CCDC149: variants seen among roughly 807,000 people sequenced by gnomAD.
The protein encoded by CCDC149 is coiled-coil domain-containing protein 149.
A neutral mutation model predicts 59.9 loss-of-function variants in CCDC149; 45 were observed. The observed-to-expected ratio is 0.75, with a 90% CI of 0.59 to 0.96. The LOEUF (loss-of-function observed/expected upper bound fraction) is 0.96. Ranked by LOEUF, CCDC149 falls within the 40% of genes least tolerant of loss-of-function variation. The pLI is 0.00. For synonymous variants in CCDC149, 245 were observed against 260.6 expected, an observed-to-expected ratio of 0.94 and a Z score of 0.58; for missense variants, 584 against 664.7, an observed-to-expected ratio of 0.88 and a Z score of 1.33.
intron 1 of CCDC149, among the ~76,000 whole-genome samples, chr4:24,932,988 G>T (rs994100902): frequency 6.6e-6 from 1 of 152,178 alleles, no homozygotes; most frequent in Non-Finnish European, 1.5e-5. Flanking sequence ...CTATTTCAGA[G>T]AAAGGCATTC....
At chr4:24,904,911 GTTTGT>G (rs1457767034) in intron 1 of CCDC149, among the ~76,000 whole-genome samples, 3 of 152,046 alleles carry the variant, frequency 2.0e-5, no homozygotes, top group African/African-American at 7.2e-5. Context: ...TCATTTGTTT[GTTTGT>G]TTTGAGATGG....
chr4:24,911,782 T>G (rs1326995876), intron 1 of CCDC149, among the ~76,000 whole-genome samples: 1 of 152,194 alleles, frequency 6.6e-6, no homozygotes, highest in Admixed American at 6.5e-5. Context: ...CAGACTGACC[T>G]GGAGACCCAG....
chr4:24,819,364 C>T (rs938749989), intron 12 of CCDC149, among the ~76,000 whole-genome samples: 1 of 152,290 alleles, frequency 6.6e-6, no homozygotes, highest in African/African-American at 2.4e-5. Context: ...CTGTATTCCC[C>T]AGGCTGGAGT....
intron 1 of CCDC149, among the ~76,000 whole-genome samples, chr4:24,935,303 T>C (rs11931422): frequency 0.36 from 54,540 of 152,038 alleles, 10,868 homozygotes; most frequent in African/African-American, 0.54. Flanking sequence ...TTTTCTGGAA[T>C]GGAAAAGACA....
intron 1 of CCDC149, among the ~76,000 whole-genome samples, chr4:24,882,206 A>C (rs1200766636): frequency 6.6e-6 from 1 of 152,202 alleles, no homozygotes; most frequent in Non-Finnish European, 1.5e-5. Flanking sequence ...AGATGGAAAA[A>C]AAAAGTTTAA....
At chr4:24,975,165 G>C (rs578216668) in intron 1 of CCDC149, among the ~76,000 whole-genome samples, 29 of 152,158 alleles carry the variant, frequency 1.9e-4, no homozygotes, top group Admixed American at 6.5e-4. Flanking sequence ...AGCCTCCATA[G>C]CTATGAGAAA....
chr4:24,848,165 A>G (rs1315761577), intron 4 of CCDC149, among the ~76,000 whole-genome samples: 2 of 152,212 alleles, frequency 1.3e-5, no homozygotes, highest in African/African-American at 4.8e-5. Flanking sequence ...TCCTTTGTCC[A>G]GGGTCCATGC....
At chr4:24,914,765 G>A (rs923320742), upstream of CCDC149, among the ~76,000 whole-genome samples, 2 of 152,222 alleles carry the variant, frequency 1.3e-5, no homozygotes, top group Non-Finnish European at 2.9e-5. Flanking sequence ...TAACTGAAAT[G>A]GATGGTGACA....
chr4:24,958,797 T>C (rs1028878643), intron 1 of CCDC149, among the ~76,000 whole-genome samples: 3 of 152,100 alleles, frequency 2.0e-5, no homozygotes, highest in Admixed American at 6.5e-5. Context: ...TTCGGGAGAC[T>C]GAGGCGGGCA....
intron 7 of CCDC149, among the ~76,000 whole-genome samples, chr4:24,835,736 G>A (rs962925100): frequency 6.6e-6 from 1 of 152,180 alleles, no homozygotes; most frequent in Non-Finnish European, 1.5e-5. Flanking sequence ...AGACTTGTGA[G>A]AACAAATGCT....
intron 1 of CCDC149, among the ~76,000 whole-genome samples, chr4:24,931,210 A>G (rs922211924): frequency 6.7e-6 from 1 of 149,618 alleles, no homozygotes; most frequent in African/African-American, 2.4e-5. Flanking sequence ...ATGTATATGT[A>G]TACATACATA....
chr4:24,838,582 C>T (rs994284418), intron 4 of CCDC149, among the ~76,000 whole-genome samples: 23 of 151,994 alleles, frequency 1.5e-4, no homozygotes, highest in African/African-American at 4.6e-4. Context: ...AAAATGATAA[C>T]CCAATGCTGG....
chr4:24,836,390 G>T, intron 7 of CCDC149, 46 bp downstream of exon 7: 1 of 1,237,220 alleles, frequency 8.1e-7, no homozygotes, highest in South Asian at 1.2e-5. Flanking sequence ...ATGACGTTTA[G>T]ATGCACAATA....
intron 4 of CCDC149, among the ~76,000 whole-genome samples, chr4:24,847,180 A>C (rs1298382558): frequency 6.6e-6 from 1 of 152,198 alleles, no homozygotes; most frequent in Non-Finnish European, 1.5e-5. Flanking sequence ...CACTGGAAAT[A>C]GCTGATCAAT....
At chr4:24,833,151 A>C (rs919329607) in intron 8 of CCDC149, among the ~76,000 whole-genome samples, 4 of 152,166 alleles carry the variant, frequency 2.6e-5, no homozygotes, top group Non-Finnish European at 5.9e-5. Flanking sequence ...AAAGGACAAC[A>C]ACCACTGATA....
At position 24,947,538 on chromosome 4, in the gene CCDC149, C is replaced by G. The variant is rs1723152604; in HGVS notation, c.-65+32531G>C. ...AATACATGTAGAGAACTCCTCCCTCCTAACCTACAAAAAGTCACAGATGTC... is the reference window on the plus strand; with the variant it reads ...AATACATGTAGAGAACTCCTCCCTCGTAACCTACAAAAAGTCACAGATGTC... On this transcript the variant is annotated intron_variant, in intron 1 of 12. Transcript: ENST00000389609. Among the ~76,000 whole-genome samples the G allele has an allele frequency of 5.3e-5, 8 of 152,142 alleles. No homozygotes were observed. The South Asian group carries it at 1.7e-3, about 32-fold the overall frequency.
chr4:24,932,356 T>C (rs1722620846), intron 1 of CCDC149, among the ~76,000 whole-genome samples: 1 of 152,152 alleles, frequency 6.6e-6, no homozygotes, highest in Non-Finnish European at 1.5e-5. Flanking sequence ...TTAGGAGATG[T>C]GATTATTTCT....
intron 1 of CCDC149, among the ~76,000 whole-genome samples, chr4:24,928,974 A>G (rs1297974491): frequency 6.6e-6 from 1 of 152,226 alleles, no homozygotes; most frequent in Non-Finnish European, 1.5e-5. Context: ...CCAGGTTGCT[A>G]CAGTGTCATG....
At chr4:24,822,729 C>T (rs1344193157) in intron 9 of CCDC149, 156 bp from the exon 10 acceptor site, 1 of 489,764 alleles carries the variant, frequency 2.0e-6, no homozygotes, top group East Asian at 3.4e-5. Flanking sequence ...ATAATATGTG[C>T]TCTATTGAAA....
Sources: gnomAD v4.1 joint callset for allele counts (sites outside exome capture counted in the v4.1 genomes callset) on GRCh38, gnomAD v4.1.1 for gene constraint, MANE v1.5 for transcripts, NCBI Gene and HGNC (gene_info 2026-07-23, HGNC 2026-07-21) for gene names.